NIBAN2: variants seen among roughly 807,000 people sequenced by gnomAD.
NIBAN2 encodes the protein niban apoptosis regulator 2.
A neutral mutation model predicts 81.8 loss-of-function variants in NIBAN2; 36 were observed. The observed-to-expected ratio is 0.44, with a 90% CI of 0.34 to 0.58. NIBAN2 has a LOEUF of 0.58. Among genes scored for constraint, NIBAN2 ranks in the 20% least tolerant of loss-of-function variants. The pLI, the probability that NIBAN2 is intolerant of heterozygous loss-of-function variation, is 0.02. For synonymous variants in NIBAN2, 445 were observed against 441.6 expected (o/e 1.01, Z -0.10); for missense variants, 897 against 1,014.1 (o/e 0.88, Z 1.57).
chr9:127,528,027 TCA>T (rs1450922940), intron 2 of NIBAN2, among the ~76,000 whole-genome samples: 5 of 152,208 alleles, frequency 3.3e-5, no homozygotes, highest in Non-Finnish European at 7.4e-5. Flanking sequence ...TCTGCCTGAC[TCA>T]CAGTGTGTCT....
Position 127,507,220 on chromosome 9 carries a change from C to T in NIBAN2, c.1866G>A (p.Val622=). ...CCTCCTCATCCTGGACCACAGAGACCACCTGCTTGGCGCGCCGTCGCTTTT... is the reference window on the plus strand; with the variant it reads ...CCTCCTCATCCTGGACCACAGAGACTACCTGCTTGGCGCGCCGTCGCTTTT... ...LSEKRRRAKQ[V]VSVVQDEEVG... is the part of the protein sequence containing the mutation. Residue 622 remains valine, a synonymous_variant, in exon 14 of 14, where the codon GTG becomes GTA. Coordinates refer to ENST00000373312, the MANE Select transcript of NIBAN2 (RefSeq NM_022833.4). This position sits in a 1 kb window ranked among gnomAD's most constrained non-coding sequence, Gnocchi z 6.8. 1.2e-6 allele frequency: 2 copies of T among 1,612,436 alleles called. No individual in the cohort carries two copies. The highest frequency in any genetic ancestry group is 4.5e-5 in the East Asian group (2 of 44,830).
At chr9:127,571,752 G>C (rs1564323846), upstream of NIBAN2, among the ~76,000 whole-genome samples, 1 of 151,948 alleles carries the variant, frequency 6.6e-6, no homozygotes. Context: ...GAACAGTAGG[G>C]TGCTATGCAC....
chr9:127,555,990 A>G (rs1272963014), intron 1 of NIBAN2, among the ~76,000 whole-genome samples: 3 of 151,726 alleles, frequency 2.0e-5, no homozygotes, highest in African/African-American at 7.3e-5. Flanking sequence ...ACATGGGGTC[A>G]GTGGGGCCAC....
At position 127,568,903 on chromosome 9, in the gene NIBAN2, C is replaced by A; in HGVS notation, c.-29G>T. On this transcript the variant is annotated 5_prime_UTR_variant, in exon 1 of 14. Coordinates refer to ENST00000373312, the MANE Select transcript of NIBAN2 (RefSeq NM_022833.4). ...CAGGAGGTGTCGCGGCCCGATCCGG[C>A]CGACGCCGCCGCTGTTGCCCGCGCT... 1.6e-6 allele frequency: 2 copies of A among 1,261,624 alleles called. No individual in the cohort carries two copies. The highest frequency in any genetic ancestry group is 2.5e-5 in the South Asian group (1 of 40,200). The allele number at this position is 1,261,624 out of a possible 1,614,324, so 78.2% of individuals were successfully genotyped here.
Position 127,523,168 on chromosome 9 carries a change from T to TAAAAA in NIBAN2, c.589+510_589+511insTTTTT, listed in dbSNP as rs1564301216. On this transcript the variant is annotated intron_variant, in intron 5 of 13. Coordinates refer to ENST00000373312, the MANE Select transcript of NIBAN2 (RefSeq NM_022833.4). ...CAAATCACCCTGCAGGTTGGTGGTT[T>TAAAAA]TAAAAAAAAAAAAAAAAAAAAAAAA... Among the ~76,000 whole-genome samples the TAAAAA allele has an allele frequency of 1.6e-3, 30 of 19,008 alleles. 2 individuals are homozygous for TAAAAA. Among genetic ancestry groups the TAAAAA allele is most frequent in the South Asian group, 5.9e-3 (3 of 510 alleles). 12.5% of individuals were successfully genotyped at this position (19,008 alleles called of 152,430 possible). A position where few individuals can be genotyped will look rare whatever the true frequency, so the allele number is the denominator to read the frequency against.
intron 2 of NIBAN2, among the ~76,000 whole-genome samples, chr9:127,530,291 G>A (rs1837153477): frequency 6.6e-6 from 1 of 152,156 alleles, no homozygotes; most frequent in African/African-American, 2.4e-5. Flanking sequence ...GAGCAGCTCC[G>A]ACACACGGTC....
At chr9:127,558,503 A>C (rs1212542988) in intron 1 of NIBAN2, among the ~76,000 whole-genome samples, 3 of 152,152 alleles carry the variant, frequency 2.0e-5, no homozygotes, top group African/African-American at 7.2e-5. Flanking sequence ...AGAGGAGCTC[A>C]TGGGGTCCTC....
chr9:127,562,233 G>A (rs1249296815), intron 1 of NIBAN2, among the ~76,000 whole-genome samples: 3 of 152,252 alleles, frequency 2.0e-5, no homozygotes, highest in Middle Eastern at 6.8e-3. Context: ...ACCTCTCTTG[G>A]AGGCCTTTTT....
Position 127,577,344 on chromosome 9 carries a change from C to A in NIBAN2, c.16+1578G>T, listed in dbSNP as rs116535143. On this transcript the variant is annotated intron_variant, in intron 1 of 13. Coordinates refer to the NIBAN2 transcript ENST00000373314. ...AAAAAATTAAGAGATGAGGATGAGA[C>A]CCATACATAGCTCTGCCTACTTTAG... 8.4e-3 allele frequency among the ~76,000 whole-genome samples: 1,283 copies of A among 152,106 alleles called. 16 individuals are homozygous for A. Among genetic ancestry groups the A allele is most frequent in the African/African-American group, 0.029 (1,188 of 41,480 alleles).
chr9:127,572,765 C>G (rs765018943), upstream of NIBAN2, among the ~76,000 whole-genome samples: 2 of 151,948 alleles, frequency 1.3e-5, no homozygotes, highest in African/African-American at 2.4e-5. Flanking sequence ...GATATTCAGG[C>G]TGAGCACGGT....
intron 1 of NIBAN2, among the ~76,000 whole-genome samples, chr9:127,565,451 C>T (rs1243991501): frequency 2.0e-5 from 3 of 152,098 alleles, no homozygotes; most frequent in African/African-American, 7.2e-5. Flanking sequence ...CTGAAGTGTA[C>T]ACTTTAGGTG....
At chr9:127,532,704 T>G (rs566474348) in intron 1 of NIBAN2, among the ~76,000 whole-genome samples, 2 of 150,978 alleles carry the variant, frequency 1.3e-5, no homozygotes, top group African/African-American at 4.9e-5. Flanking sequence ...AGTGACAGAG[T>G]CACCTGTTGA....
intron 1 of NIBAN2, among the ~76,000 whole-genome samples, chr9:127,564,576 A>G (rs571430939): frequency 2.6e-5 from 4 of 152,262 alleles, no homozygotes; most frequent in South Asian, 2.1e-4. Context: ...GCATAGAGTA[A>G]TATCTCTTTT....
Position 127,525,178 on chromosome 9 carries a change from A to T in NIBAN2, c.316-15T>A. ...CGCTCATAGGCCTGAGGGAGGCAAG[A>T]GAGAGGGTCCCTGAGGGTTAAGGTG... is the stretch of plus-strand genomic sequence containing the variant. On this transcript the variant is annotated splice_polypyrimidine_tract_variant and intron_variant, in intron 3 of 13. Transcript: ENST00000373312. 1 of 1,606,236 alleles carries T rather than the reference A, an allele frequency of 6.2e-7. No individual in the cohort carries two copies. The highest frequency in any genetic ancestry group is 1.3e-5 in the African/African-American group (1 of 74,868).
chr9:127,530,052 C>T (rs1029087236), intron 2 of NIBAN2, among the ~76,000 whole-genome samples: 1 of 152,216 alleles, frequency 6.6e-6, no homozygotes, highest in Non-Finnish European at 1.5e-5. Context: ...ACTTGGGCTG[C>T]CCATGACATT....
intron 8 of NIBAN2, among the ~76,000 whole-genome samples, chr9:127,511,729 C>A (rs760129727): frequency 4.6e-5 from 7 of 151,984 alleles, no homozygotes; most frequent in Non-Finnish European, 8.8e-5. Context: ...GGAAAAAAAT[C>A]CTAGTAATCC....
At chr9:127,538,406 A>C (rs917512109) in intron 1 of NIBAN2, among the ~76,000 whole-genome samples, 1 of 152,164 alleles carries the variant, frequency 6.6e-6, no homozygotes, top group Non-Finnish European at 1.5e-5. Context: ...AGTGAGACTC[A>C]GGCTAAACAC....
intron 3 of NIBAN2, among the ~76,000 whole-genome samples, chr9:127,526,590 T>G (rs1238326614): frequency 6.6e-6 from 1 of 152,086 alleles, no homozygotes; most frequent in Non-Finnish European, 1.5e-5. Context: ...ACATTGATCT[T>G]CCGTGAAATA....
chr9:127,572,939 T>C (rs532541485), upstream of NIBAN2, among the ~76,000 whole-genome samples: 2 of 152,004 alleles, frequency 1.3e-5, no homozygotes, highest in African/African-American at 4.8e-5. Flanking sequence ...TCCCAGCTAC[T>C]AGGAGGCCAA....
Sources: allele counts gnomAD v4.1 joint callset (sites outside exome capture counted in the v4.1 genomes callset), GRCh38; gene constraint gnomAD v4.1.1; non-coding constraint Gnocchi (gnomAD v3.1); transcripts MANE v1.5; gene names NCBI Gene and HGNC (gene_info 2026-07-23, HGNC 2026-07-21).